Variants in PAX3 observed in about 807,000 individuals in gnomAD.
PAX3 encodes the protein paired box 3.
PAX3 carries 14 observed loss-of-function variants against 51.6 expected under a neutral mutation model. The observed-to-expected ratio is 0.27, with a 90% confidence interval of 0.18 to 0.42. The LOEUF (loss-of-function observed/expected upper bound fraction) is 0.42. PAX3 is among the 10% of genes least tolerant of loss of function. PAX3 has a pLI of 1.00. For missense variants in PAX3, 540 were observed against 642.8 expected (o/e 0.84, Z 1.73); for synonymous variants, 280 against 253.4 (o/e 1.11, Z -1.00).
At chr2:222,265,693 A>AAGGAAGGAAGGAAGGAAGGAAGGAAG (rs1464152738) in intron 4 of PAX3, among the ~76,000 whole-genome samples, 2 of 151,702 alleles carry the variant, frequency 1.3e-5, no homozygotes, top group African/African-American at 2.4e-5. Flanking sequence ...GAAGGAAGGG[A>AAGGAAGGAAGGAAGGAAGGAAGGAAG]GAAAGATTGA....
chr2:222,244,389 T>G (rs949538449), intron 4 of PAX3, among the ~76,000 whole-genome samples: 7 of 152,172 alleles, frequency 4.6e-5, no homozygotes, highest in Non-Finnish European at 1.0e-4. Flanking sequence ...CTGAATCCAT[T>G]TTCTCATCAG....
intron 4 of PAX3, among the ~76,000 whole-genome samples, chr2:222,239,668 T>C (rs1692934464): frequency 6.6e-6 from 1 of 152,002 alleles, no homozygotes; most frequent in African/African-American, 2.4e-5. Flanking sequence ...TGATAAACAA[T>C]TGTGAGTTGA....
chr2:222,221,660 A>G (rs1182497286), intron 5 of PAX3: 1 of 419,344 alleles, frequency 2.4e-6, no homozygotes, highest in African/African-American at 2.0e-5. Context: ...ATCACTGAGC[A>G]GGAGTAGGAA....
intron 4 of PAX3, among the ~76,000 whole-genome samples, chr2:222,291,019 C>G (rs530643980): frequency 1.4e-3 from 218 of 151,594 alleles, no homozygotes; most frequent in African/African-American, 5.2e-3. Context: ...GGCTGCAGCC[C>G]GGCGAGCTAA....
In PAX3 at chr2:222,218,823, G is replaced by C. The variant is rs45599439; in HGVS notation, c.1173+1317C>G. On this transcript the variant is annotated intron_variant, in intron 7 of 8. Coordinates refer to ENST00000392070, the MANE Select transcript of PAX3 (RefSeq NM_181458.4). ...ACCTCATAATTTTTTTTTTATCCCAGGATGTGCTATAGGAATCTATGAAAC... is the reference window on the plus strand; with the variant it reads ...ACCTCATAATTTTTTTTTTATCCCACGATGTGCTATAGGAATCTATGAAAC... 5.0e-4 allele frequency among the ~76,000 whole-genome samples: 76 copies of C among 152,056 alleles called. No homozygotes were observed. The East Asian group carries it at 0.013, about 26-fold the overall frequency.
intron 2 of PAX3, among the ~76,000 whole-genome samples, chr2:222,296,608 C>A (rs967101181): frequency 2.0e-5 from 3 of 152,092 alleles, no homozygotes; most frequent in African/African-American, 7.2e-5. Context: ...TTGGAAAGGA[C>A]GGTGCCATGG....
intron 4 of PAX3, chr2:222,264,471 G>A (rs1259080793): frequency 3.3e-5 from 5 of 152,142 alleles, no homozygotes; most frequent in African/African-American, 1.2e-4. Flanking sequence ...AGATAGATCT[G>A]GTGACTGCAA....
At chr2:222,251,716 G>A (rs940995505) in intron 4 of PAX3, among the ~76,000 whole-genome samples, 10 of 151,998 alleles carry the variant, frequency 6.6e-5, no homozygotes, top group African/African-American at 1.2e-4. Context: ...ACTAGTTTAC[G>A]GTCCCACCAA....
At chr2:222,205,811 T>C (rs1241153140) in intron 7 of PAX3, among the ~76,000 whole-genome samples, 2 of 152,132 alleles carry the variant, frequency 1.3e-5, no homozygotes, top group East Asian at 3.8e-4. Context: ...AAGGGTTCCA[T>C]TACACTTTCA....
chr2:222,288,980 C>T (rs906057763), intron 4 of PAX3, among the ~76,000 whole-genome samples: 4 of 152,258 alleles, frequency 2.6e-5, no homozygotes, highest in Non-Finnish European at 5.9e-5. Flanking sequence ...TATCAACAAA[C>T]AGCTACTTAA....
rs13414716 is a variant in PAX3, at chr2:222,294,536, G to T, written c.452-235C>A. ...TGTATCTCGGTACTGAAAGACGGAGGCTGGGAAAACCGTGCCTCCAAGTTA... is the reference window on the plus strand; with the variant it reads ...TGTATCTCGGTACTGAAAGACGGAGTCTGGGAAAACCGTGCCTCCAAGTTA... On this transcript the variant is annotated intron_variant, in intron 3 of 8. Transcript: ENST00000392070. Among the ~76,000 whole-genome samples, 24,442 of 151,870 alleles carry T rather than the reference G, an allele frequency of 0.16. 2,177 individuals are homozygous for T. Among genetic ancestry groups the T allele is most frequent in the Non-Finnish European group, 0.19 (13,112 of 67,912 alleles).
chr2:222,223,749 AG>A (rs1418105785), intron 5 of PAX3, among the ~76,000 whole-genome samples: 1 of 152,200 alleles, frequency 6.6e-6, no homozygotes, highest in Non-Finnish European at 1.5e-5. Context: ...GACTTCCAAA[AG>A]TTTTGATGTA....
intron 4 of PAX3, among the ~76,000 whole-genome samples, chr2:222,284,179 G>C (rs994578572): frequency 2.0e-5 from 3 of 152,214 alleles, no homozygotes; most frequent in African/African-American, 7.2e-5. Context: ...CTCACGTGCA[G>C]AGCTATAAAG....
At chr2:222,227,092 A>G (rs16863532) in intron 5 of PAX3, among the ~76,000 whole-genome samples, 1 of 152,056 alleles carries the variant, frequency 6.6e-6, no homozygotes, top group South Asian at 2.1e-4. Flanking sequence ...CCTGAAGTCC[A>G]AAAGGATTCC....
chr2:222,205,696 C>T (rs1000203367), intron 7 of PAX3, among the ~76,000 whole-genome samples: 1 of 152,146 alleles, frequency 6.6e-6, no homozygotes, highest in Non-Finnish European at 1.5e-5. Context: ...TAAAAACCTA[C>T]TGTTTTACAG....
chr2:222,296,709 T>C (rs906651777), intron 2 of PAX3, among the ~76,000 whole-genome samples: 2 of 152,162 alleles, frequency 1.3e-5, no homozygotes, highest in Non-Finnish European at 1.5e-5. Context: ...TTAAAATAAT[T>C]TGATGAGGAT....
At chr2:222,225,916 G>A (rs1392346189) in intron 5 of PAX3, among the ~76,000 whole-genome samples, 5 of 152,160 alleles carry the variant, frequency 3.3e-5, no homozygotes, top group Admixed American at 6.5e-5. Flanking sequence ...ACAGGAAAGT[G>A]CCCAGAAAAC....
intron 4 of PAX3, among the ~76,000 whole-genome samples, chr2:222,243,322 A>C (rs7602662): frequency 1.3e-5 from 2 of 152,208 alleles, no homozygotes; most frequent in South Asian, 2.1e-4. Flanking sequence ...TCCCTTCATT[A>C]TACAGATGAA....
intron 5 of PAX3, among the ~76,000 whole-genome samples, chr2:222,224,258 GA>G (rs1464322168): frequency 6.6e-6 from 1 of 152,138 alleles, no homozygotes; most frequent in Non-Finnish European, 1.5e-5. Context: ...AATCTTTACT[GA>G]AAAACAAACC....
Sources: allele counts gnomAD v4.1 joint callset (sites outside exome capture counted in the v4.1 genomes callset), GRCh38; gene constraint gnomAD v4.1.1; transcripts MANE v1.5; gene names NCBI Gene and HGNC (gene_info 2026-07-23, HGNC 2026-07-21).